Variants in SOX5 observed in about 807,000 individuals in gnomAD.
The protein encoded by SOX5 is transcription factor SOX-5.
SOX5 carries 9 observed loss-of-function variants against 92.0 expected under a neutral mutation model. The ratio of observed to expected loss-of-function variants is 0.10; its 90% CI spans 0.06 to 0.17. The LOEUF (loss-of-function observed/expected upper bound fraction) is 0.17, where lower values mean the gene tolerates loss of function less well. Among genes scored for constraint, SOX5 ranks in the 10% least tolerant of loss-of-function variants. SOX5 has a pLI of 1.00. For missense variants in SOX5, 642 were observed against 944.5 expected (o/e 0.68, Z 4.20); for synonymous variants, 344 against 336.3 (o/e 1.02, Z -0.25).
intron 4 of SOX5, among the ~76,000 whole-genome samples, chr12:24,040,723 G>A (rs1188363044): frequency 6.6e-6 from 1 of 151,868 alleles, no homozygotes; most frequent in African/African-American, 2.4e-5. Flanking sequence ...AATACAAAAA[G>A]TTAGCCGGGC....
At chr12:23,622,089 A>G (rs1171443897) in intron 8 of SOX5, among the ~76,000 whole-genome samples, 1 of 152,098 alleles carries the variant, frequency 6.6e-6, no homozygotes, top group Non-Finnish European at 1.5e-5. Flanking sequence ...TGAAATTTAC[A>G]GTGAATTTAT....
intron 2 of SOX5, among the ~76,000 whole-genome samples, chr12:23,862,811 A>T (rs1036107797): frequency 2.6e-5 from 4 of 152,216 alleles, no homozygotes; most frequent in Non-Finnish European, 5.9e-5. Flanking sequence ...GAATGTACCA[A>T]GTAAATGTGG....
At chr12:24,500,531 T>C (rs2138120243) in intron 1 of SOX5, among the ~76,000 whole-genome samples, 1 of 152,342 alleles carries the variant, frequency 6.6e-6, no homozygotes, top group Non-Finnish European at 1.5e-5. Context: ...AAGAGTTTTG[T>C]CAGAATAAAA....
intron 6 of SOX5, among the ~76,000 whole-genome samples, chr12:23,671,374 C>T (rs2084755407): frequency 6.6e-6 from 1 of 152,178 alleles, no homozygotes; most frequent in Non-Finnish European, 1.5e-5. Context: ...AGTTCACCTA[C>T]AGCTGAAATT....
chr12:23,570,286 C>T (rs897899144), intron 10 of SOX5, among the ~76,000 whole-genome samples: 7 of 151,996 alleles, frequency 4.6e-5, no homozygotes, highest in Non-Finnish European at 1.0e-4. Flanking sequence ...GAAAGCTCAC[C>T]GGAATTAGAT....
intron 6 of SOX5, among the ~76,000 whole-genome samples, chr12:23,703,657 G>A (rs2090976700): frequency 1.3e-5 from 2 of 151,616 alleles, no homozygotes; most frequent in Admixed American, 1.3e-4. Flanking sequence ...ATAAATTAGG[G>A]ATAGACAAAA....
intron 7 of SOX5, among the ~76,000 whole-genome samples, chr12:23,655,639 A>G (rs569880015): frequency 2.0e-5 from 3 of 152,086 alleles, no homozygotes; most frequent in Non-Finnish European, 4.4e-5. Context: ...TTTGGCAGAC[A>G]TCGTATACCT....
intron 1 of SOX5, among the ~76,000 whole-genome samples, chr12:24,400,729 CA>C (rs1187692816): frequency 6.6e-6 from 1 of 152,120 alleles, no homozygotes; most frequent in African/African-American, 2.4e-5. Context: ...GCAGAATAAC[CA>C]CCCCCTCCAT....
chr12:23,862,350 G>C (rs1281083498), intron 2 of SOX5, among the ~76,000 whole-genome samples: 1 of 152,112 alleles, frequency 6.6e-6, no homozygotes, highest in South Asian at 2.1e-4. Flanking sequence ...GAAGAAATTT[G>C]TCTACTATTG....
intron 4 of SOX5, among the ~76,000 whole-genome samples, chr12:24,015,285 A>G (rs1953466123): frequency 6.6e-6 from 1 of 152,092 alleles, no homozygotes; most frequent in Non-Finnish European, 1.5e-5. Flanking sequence ...CTTTTCACAA[A>G]AAAGCCAGCC....
At chr12:23,619,699 C>T (rs1006955214) in intron 8 of SOX5, among the ~76,000 whole-genome samples, 1 of 152,130 alleles carries the variant, frequency 6.6e-6, no homozygotes, top group African/African-American at 2.4e-5. Context: ...AAGTGTCCAA[C>T]AGGAAATTTT....
At chr12:24,495,129 C>T (rs571574578) in intron 1 of SOX5, among the ~76,000 whole-genome samples, 3 of 152,280 alleles carry the variant, frequency 2.0e-5, no homozygotes, top group African/African-American at 7.2e-5. Flanking sequence ...TAGTTATACC[C>T]TGATGTTTAC....
In SOX5 at chr12:23,979,590, T is replaced by C. The variant is rs531952911; in HGVS notation, c.-1-83566A>G. Among the ~76,000 whole-genome samples the C allele has an allele frequency of 2.6e-5, 4 of 151,178 alleles. 1 individual carries two copies. The South Asian group carries it at 8.4e-4, about 32-fold the overall frequency. On this transcript the variant is annotated intron_variant, in intron 4 of 4. Coordinates refer to the SOX5 transcript ENST00000446891. ...TTACTGGCCTCCTAAAAAAAGAAAA[T>C]GTAATCTTACATCTTAATGTTTTTT...
intron 4 of SOX5, among the ~76,000 whole-genome samples, chr12:23,993,926 T>G (rs1462398415): frequency 6.6e-6 from 1 of 152,022 alleles, no homozygotes. Flanking sequence ...CATGTATGCA[T>G]GTATGTGTGT....
intron 4 of SOX5, among the ~76,000 whole-genome samples, chr12:24,206,838 C>A (rs1004443795): frequency 8.5e-5 from 13 of 152,168 alleles, no homozygotes; most frequent in African/African-American, 2.9e-4. Context: ...CCAGGGAAAT[C>A]CACAGCCAGA....
intron 1 of SOX5, among the ~76,000 whole-genome samples, chr12:23,942,658 CTT>C (rs34315450): frequency 0.66 from 91,672 of 138,398 alleles, 30,036 homozygotes; most frequent in African/African-American, 0.71. Flanking sequence ...GGCTCTGAGG[CTT>C]TTTTTTTTTT....
chr12:23,683,567 A>G (rs1046978172), intron 6 of SOX5, among the ~76,000 whole-genome samples: 2 of 151,946 alleles, frequency 1.3e-5, no homozygotes, highest in African/African-American at 4.8e-5. Flanking sequence ...TCAATACCAC[A>G]CATGAATTTA....
intron 3 of SOX5, among the ~76,000 whole-genome samples, chr12:24,272,111 A>T (rs965208835): frequency 1.3e-5 from 2 of 152,216 alleles, no homozygotes; most frequent in Non-Finnish European, 2.9e-5. Flanking sequence ...GATCTTTTCA[A>T]TGCATGAATA....
At chr12:24,517,113 A>AT (rs1443302816) in intron 1 of SOX5, among the ~76,000 whole-genome samples, 88 of 152,368 alleles carry the variant, frequency 5.8e-4, no homozygotes, top group Non-Finnish European at 5.0e-4. Context: ...AATTTAAATT[A>AT]TAATAATGTC....
Sources: allele counts gnomAD v4.1 joint callset (sites outside exome capture counted in the v4.1 genomes callset), GRCh38; gene constraint gnomAD v4.1.1; transcripts MANE v1.5; gene names NCBI Gene and HGNC (gene_info 2026-07-23, HGNC 2026-07-21).